The following ST6GALNAC3 variants were observed in gnomAD, a reference collection of about 807,000 sequenced individuals.
ST6GALNAC3 encodes ST6 N-acetylgalactosaminide alpha-2,6-sialyltransferase 3.
A neutral mutation model predicts 32.7 loss-of-function variants in ST6GALNAC3; 25 were observed. That is an observed-to-expected ratio of 0.76 (90% CI 0.56 to 1.07). ST6GALNAC3 has a LOEUF of 1.07. Among genes scored for constraint, ST6GALNAC3 ranks in the 50% least tolerant of loss-of-function variants. The probability of loss-of-function intolerance (pLI) is 0.00; values close to 1 mark genes in which losing one functional copy is unlikely to be tolerated. For missense variants in ST6GALNAC3, 355 were observed against 382.4 expected (o/e 0.93, Z 0.60); for synonymous variants, 129 against 133.1 (o/e 0.97, Z 0.21).
chr1:76,141,769 C>T (rs1650340727), intron 1 of ST6GALNAC3, among the ~76,000 whole-genome samples: 1 of 152,140 alleles, frequency 6.6e-6, no homozygotes. Flanking sequence ...ATTATAATAG[C>T]ACCTTAGCAT....
chr1:76,469,959 A>G (rs987655371), intron 3 of ST6GALNAC3, among the ~76,000 whole-genome samples: 2 of 152,044 alleles, frequency 1.3e-5, no homozygotes, highest in South Asian at 2.1e-4. Context: ...CAGTGAAACT[A>G]TATTTGTTTT....
intron 1 of ST6GALNAC3, among the ~76,000 whole-genome samples, chr1:76,277,261 T>C (rs2100772457): frequency 6.6e-6 from 1 of 152,142 alleles, no homozygotes; most frequent in South Asian, 2.1e-4. Context: ...TATGTGTGTG[T>C]GTGTATTTAC....
chr1:76,378,786 G>A lies in ST6GALNAC3; in HGVS notation c.214-33222G>A, dbSNP rs529007467. Among the ~76,000 whole-genome samples, 18 of 152,266 alleles carry A rather than the reference G, an allele frequency of 1.2e-4. No homozygotes were observed. The South Asian group carries it at 3.5e-3, about 30-fold the overall frequency. On this transcript the variant is annotated intron_variant, in intron 2 of 4. Transcript: ENST00000328299. ...TTAGGCTATTGTAACCATGTAGAGA[G>A]CAATTCCTTAGGGTGGTGTTTTTTT...
At chr1:76,434,027 A>G (rs1215943973) in intron 3 of ST6GALNAC3, among the ~76,000 whole-genome samples, 4 of 152,178 alleles carry the variant, frequency 2.6e-5, no homozygotes, top group African/African-American at 9.7e-5. Flanking sequence ...TTTAAGTTGC[A>G]TGACAAATGC....
chr1:76,587,365 C>G (rs1228795421), intron 3 of ST6GALNAC3, among the ~76,000 whole-genome samples: 1 of 152,190 alleles, frequency 6.6e-6, no homozygotes, highest in South Asian at 2.1e-4. Flanking sequence ...GGAGACATTA[C>G]TGCTCGATCA....
chr1:76,088,283 T>G (rs1646991112), intron 1 of ST6GALNAC3, among the ~76,000 whole-genome samples: 1 of 152,198 alleles, frequency 6.6e-6, no homozygotes. Context: ...GCCACTTTGG[T>G]GGTCTGTCTC....
chr1:76,222,143 G>A (rs572392787), intron 1 of ST6GALNAC3, among the ~76,000 whole-genome samples: 2 of 152,164 alleles, frequency 1.3e-5, no homozygotes, highest in African/African-American at 4.8e-5. Flanking sequence ...TTTAAAATGT[G>A]CTTTTGCAAT....
At chr1:76,077,823 C>T (rs955265234) in intron 1 of ST6GALNAC3, among the ~76,000 whole-genome samples, 4 of 152,114 alleles carry the variant, frequency 2.6e-5, no homozygotes, top group African/African-American at 9.7e-5. Context: ...GCCTTTAGCT[C>T]AAAATAATCA....
chr1:76,334,978 A>G (rs1421174276), intron 2 of ST6GALNAC3, among the ~76,000 whole-genome samples: 3 of 152,180 alleles, frequency 2.0e-5, no homozygotes, highest in African/African-American at 4.8e-5. Context: ...ACTTCTAAAT[A>G]AAGACCCAAA....
At chr1:76,402,446 G>A (rs1653496913) in intron 2 of ST6GALNAC3, among the ~76,000 whole-genome samples, 1 of 152,060 alleles carries the variant, frequency 6.6e-6, no homozygotes, top group Non-Finnish European at 1.5e-5. Flanking sequence ...CCAGTTGCTA[G>A]TGCCCATGAC....
intron 1 of ST6GALNAC3, chr1:76,305,983 A>C (rs1661026930): frequency 6.0e-6 from 3 of 502,370 alleles, no homozygotes; most frequent in Non-Finnish European, 1.2e-5. Flanking sequence ...GAACATTCTC[A>C]TATAACTGGT....
At chr1:76,084,064 T>TA (rs1429751624) in intron 1 of ST6GALNAC3, among the ~76,000 whole-genome samples, 2 of 152,252 alleles carry the variant, frequency 1.3e-5, no homozygotes, top group Non-Finnish European at 2.9e-5. Context: ...CACATGTGGC[T>TA]AGTGGCTACT....
chr1:76,349,983 T>C (rs971672057), intron 2 of ST6GALNAC3, among the ~76,000 whole-genome samples: 4 of 152,184 alleles, frequency 2.6e-5, no homozygotes, highest in Non-Finnish European at 5.9e-5. Context: ...AAGTTTTATA[T>C]ATAGATAGCT....
chr1:76,489,620 A>G (rs1437234270), intron 3 of ST6GALNAC3, among the ~76,000 whole-genome samples: 1 of 152,176 alleles, frequency 6.6e-6, no homozygotes, highest in African/African-American at 2.4e-5. Context: ...CCATGGAATA[A>G]TCAAAACTCT....
chr1:76,589,946 C>G (rs995446023), intron 3 of ST6GALNAC3, among the ~76,000 whole-genome samples: 7 of 108,372 alleles, frequency 6.5e-5, no homozygotes, highest in African/African-American at 1.9e-4. Context: ...GTTCTGCTCT[C>G]GTAATCCATT....
At chr1:76,262,913 A>C (rs1658323097) in intron 1 of ST6GALNAC3, among the ~76,000 whole-genome samples, 1 of 152,152 alleles carries the variant, frequency 6.6e-6, no homozygotes, top group South Asian at 2.1e-4. Context: ...TGGATGAAGA[A>C]GCACTTCCTT....
intron 1 of ST6GALNAC3, among the ~76,000 whole-genome samples, chr1:76,127,377 A>G (rs1649321118): frequency 1.3e-5 from 2 of 152,200 alleles, no homozygotes; most frequent in South Asian, 2.1e-4. Flanking sequence ...CTCATAACAG[A>G]TGGTGATGAG....
In ST6GALNAC3 at chr1:76,629,394, A is replaced by G. The variant is rs185536172; in HGVS notation, c.*588A>G. On this transcript the variant is annotated 3_prime_UTR_variant, in exon 5 of 5. Transcript: ENST00000328299. ...GCCTCAGGCCATTGCCTAATTAACA[A>G]TGAAGATTTCATGGACATCCTACAC... 22 of 985,536 alleles carry G rather than the reference A, an allele frequency of 2.2e-5. No individual in the cohort carries two copies. Among genetic ancestry groups the G allele is most frequent in the Middle Eastern group, 5.2e-4 (1 of 1,914 alleles). 61.0% of individuals were successfully genotyped at this position (985,536 alleles called of 1,614,324 possible).
chr1:76,310,721 G>T (rs1225908644), intron 1 of ST6GALNAC3, among the ~76,000 whole-genome samples: 1 of 152,160 alleles, frequency 6.6e-6, no homozygotes, highest in Non-Finnish European at 1.5e-5. Context: ...AAACATTTTG[G>T]TCTTTCACAG....
Sources: allele counts gnomAD v4.1 joint callset (sites outside exome capture counted in the v4.1 genomes callset), GRCh38; gene constraint gnomAD v4.1.1; transcripts MANE v1.5; gene names NCBI Gene and HGNC (gene_info 2026-07-23, HGNC 2026-07-21).